The following MEF2C variants were observed in gnomAD, a reference collection of about 807,000 sequenced individuals.
The protein encoded by MEF2C is myocyte-specific enhancer factor 2C.
Under a neutral mutation model 50.5 loss-of-function variants are expected in MEF2C, and 6 were observed. The observed-to-expected ratio is 0.12, with a 90% CI of 0.07 to 0.23. The LOEUF is 0.23. MEF2C is among the 10% of genes least tolerant of loss of function. The probability of loss-of-function intolerance (pLI) is 1.00; values close to 1 mark genes in which losing one functional copy is unlikely to be tolerated. For synonymous variants in MEF2C, 183 were observed against 228.0 expected, an observed-to-expected ratio of 0.80 and a Z score of 1.78; for missense variants, 276 against 605.0, an observed-to-expected ratio of 0.46 and a Z score of 5.70.
chr5:88,802,444 TTTG>T (rs939645363), intron 3 of MEF2C, among the ~76,000 whole-genome samples: 6 of 152,180 alleles, frequency 3.9e-5, no homozygotes, highest in Non-Finnish European at 8.8e-5. Flanking sequence ...AGTGGGTTTT[TTTG>T]TTGTTGTTGT....
At chr5:88,740,780 TA>T in intron 6 of MEF2C, 1 of 985,388 alleles carries the variant, frequency 1.0e-6, no homozygotes, top group Non-Finnish European at 1.2e-6. Context: ...ACACTATCTT[TA>T]AAAAATTCCA....
At chr5:88,885,056 C>A (rs186600975), upstream of MEF2C, among the ~76,000 whole-genome samples, 108 of 144,242 alleles carry the variant, frequency 7.5e-4, no homozygotes, top group African/African-American at 2.7e-3. Context: ...TGAGATTAGA[C>A]AATAGTATAT....
intron 3 of MEF2C, among the ~76,000 whole-genome samples, chr5:88,769,437 T>C (rs1189202595): frequency 6.6e-6 from 1 of 152,078 alleles, no homozygotes; most frequent in Non-Finnish European, 1.5e-5. Context: ...CAAACCTCTA[T>C]TGGAACCCGG....
chr5:88,847,795 A>C (rs1410502101), intron 1 of MEF2C, among the ~76,000 whole-genome samples: 2 of 152,166 alleles, frequency 1.3e-5, no homozygotes, highest in African/African-American at 2.4e-5. Context: ...ATTAGGATAC[A>C]ACATCAGACA....
chr5:88,864,828 G>A (rs890380819), intron 1 of MEF2C, among the ~76,000 whole-genome samples: 3 of 150,980 alleles, frequency 2.0e-5, no homozygotes, highest in African/African-American at 4.9e-5. Context: ...GTGCAATGGC[G>A]CAATCTCGGC....
intron 1 of MEF2C, among the ~76,000 whole-genome samples, chr5:88,864,733 G>A (rs1252681500): frequency 6.6e-6 from 1 of 151,812 alleles, no homozygotes; most frequent in Non-Finnish European, 1.5e-5. Context: ...TAGGACAACA[G>A]GCATATGCCA....
At chr5:88,725,682 CCATAATTGTT>C (rs1471945867) in intron 10 of MEF2C, among the ~76,000 whole-genome samples, 1 of 152,014 alleles carries the variant, frequency 6.6e-6, no homozygotes, top group Non-Finnish European at 1.5e-5. Flanking sequence ...CTACCCTTTC[CCATAATTGTT>C]CAGAAATCAA....
chr5:88,774,214 C>T (rs1197299188), intron 3 of MEF2C, among the ~76,000 whole-genome samples: 1 of 152,206 alleles, frequency 6.6e-6, no homozygotes, highest in Non-Finnish European at 1.5e-5. Flanking sequence ...AGAGAACAAA[C>T]CTCTATCTAC....
chr5:88,830,476 T>C (rs953761485), intron 1 of MEF2C, among the ~76,000 whole-genome samples: 3 of 152,068 alleles, frequency 2.0e-5, no homozygotes, highest in Non-Finnish European at 4.4e-5. Flanking sequence ...TTGTATTGCA[T>C]TATAAACAAT....
At chr5:88,761,439 A>T in intron 3 of MEF2C, 111 bp from the exon 4 acceptor site, 1 of 1,276,834 alleles carries the variant, frequency 7.8e-7, no homozygotes, top group South Asian at 1.5e-5. Flanking sequence ...CATATGCTTT[A>T]TTCTATTAGG....
Position 88,718,888 on chromosome 5 carries a change from C to T in MEF2C, c.*3716G>A, listed in dbSNP as rs983442273. On this transcript the variant is annotated 3_prime_UTR_variant, in exon 11 of 11. Transcript: ENST00000504921. Reference sequence around the variant, plus strand: ...ATTCTAACAGACACCAGTATTCCAGCAATCTTCAAAAGATCTGTAGTGGCA... The same window carrying T: ...ATTCTAACAGACACCAGTATTCCAGTAATCTTCAAAAGATCTGTAGTGGCA... 1 of 152,196 alleles carries T rather than the reference C, an allele frequency of 6.6e-6. No individual in the cohort carries two copies. Among genetic ancestry groups the T allele is most frequent in the African/African-American group, 2.4e-5 (1 of 41,440 alleles). The allele number at this position is 152,196 out of a possible 1,614,324, so 9.4% of individuals were successfully genotyped here. A position where few individuals can be genotyped will look rare whatever the true frequency, so the allele number is the denominator to read the frequency against.
chr5:88,774,669 C>T (rs1189921525), intron 3 of MEF2C, among the ~76,000 whole-genome samples: 1 of 152,144 alleles, frequency 6.6e-6, no homozygotes, highest in Non-Finnish European at 1.5e-5. Flanking sequence ...TCCTCTGTAG[C>T]TGTTATCTCA....
At chr5:88,833,714 T>C (rs996727255) in intron 1 of MEF2C, among the ~76,000 whole-genome samples, 1 of 152,124 alleles carries the variant, frequency 6.6e-6, no homozygotes, top group South Asian at 2.1e-4. Context: ...AAATCAAAAC[T>C]ATGCATTTAA....
In MEF2C at chr5:88,718,025, A is replaced by G. The variant is rs1055843494; in HGVS notation, c.*4579T>C. On this transcript the variant is annotated 3_prime_UTR_variant, in exon 11 of 11. Coordinates refer to ENST00000504921, the MANE Select transcript of MEF2C (RefSeq NM_002397.5). ...TCAATAAGAACCTTAGACTTCCACCACTGGCTGAATTCTGTAATACCCTAA... is the reference window on the plus strand; with the variant it reads ...TCAATAAGAACCTTAGACTTCCACCGCTGGCTGAATTCTGTAATACCCTAA... 2 of 152,190 alleles carry G rather than the reference A, an allele frequency of 1.3e-5. No homozygotes were observed. The highest frequency in any genetic ancestry group is 2.9e-5 in the Non-Finnish European group (2 of 68,036). 9.4% of individuals were successfully genotyped at this position (152,190 alleles called of 1,614,324 possible).
intron 2 of MEF2C, chr5:88,817,744 T>G (rs1394852433): frequency 3.3e-5 from 5 of 151,996 alleles, no homozygotes. Context: ...CCTAACTGTG[T>G]TATCTGACAA....
At chr5:88,843,934 T>G (rs1464244362) in intron 1 of MEF2C, among the ~76,000 whole-genome samples, 1 of 151,798 alleles carries the variant, frequency 6.6e-6, no homozygotes, top group Non-Finnish European at 1.5e-5. Context: ...CTCAGCCTCC[T>G]GAGTAACTGG....
At chr5:88,753,368 T>C (rs1220550744) in intron 4 of MEF2C, among the ~76,000 whole-genome samples, 1 of 152,192 alleles carries the variant, frequency 6.6e-6, no homozygotes, top group African/African-American at 2.4e-5. Flanking sequence ...TGATTTTTCA[T>C]TTGTATTTTA....
chr5:88,730,598 C>T (rs1761025008), intron 7 of MEF2C, among the ~76,000 whole-genome samples: 1 of 152,198 alleles, frequency 6.6e-6, no homozygotes, highest in Non-Finnish European at 1.5e-5. Context: ...TCACAGATTC[C>T]CTGGGACAGC....
At chr5:88,792,309 T>A (rs150827321) in intron 3 of MEF2C, among the ~76,000 whole-genome samples, 1 of 152,242 alleles carries the variant, frequency 6.6e-6, no homozygotes, top group East Asian at 1.9e-4. Context: ...AACTTGCAAG[T>A]GCTTTCTGAC....
Sources: gnomAD v4.1 joint callset for allele counts (sites outside exome capture counted in the v4.1 genomes callset) on GRCh38, gnomAD v4.1.1 for gene constraint, MANE v1.5 for transcripts, NCBI Gene and HGNC (gene_info 2026-07-23, HGNC 2026-07-21) for gene names.